Variants in FNDC3A observed in about 807,000 individuals in gnomAD.
FNDC3A encodes the protein fibronectin type-III domain-containing protein 3A.
A neutral mutation model predicts 148.9 loss-of-function variants in FNDC3A; 32 were observed. That is an observed-to-expected ratio of 0.21 (90% CI 0.16 to 0.29). FNDC3A has a LOEUF of 0.29. FNDC3A is among the 10% of genes least tolerant of loss of function. FNDC3A has a pLI of 1.00. For synonymous variants in FNDC3A, 472 were observed against 473.6 expected (o/e 1.00, Z 0.04); for missense variants, 1,191 against 1,452.8 (o/e 0.82, Z 2.93).
At position 49,075,874 on chromosome 13, in the gene FNDC3A, TTAACA is replaced by T. The variant is rs565887911; in HGVS notation, c.175+511_175+515del. The stretch of plus-strand genomic sequence containing the variant: ...TCAAGACTGAGCTCCAGTCCTACCT[TTAACA>T]GGTTTTTTGGAAAGTCTTTGTTTAG... On this transcript the variant is annotated intron_variant, in intron 3 of 25. Coordinates refer to ENST00000492622, the MANE Select transcript of FNDC3A (RefSeq NM_001079673.2). 3.7e-3 allele frequency among the ~76,000 whole-genome samples: 453 copies of T among 123,840 alleles called. 5 individuals carry two copies. The highest frequency in any genetic ancestry group is 8.1e-3 in the Admixed American group (75 of 9,216). The allele number at this position is 123,840 out of a possible 152,430, so 81.2% of individuals were successfully genotyped here.
chr13:49,199,880 C>T (rs1886345277), intron 23 of FNDC3A, among the ~76,000 whole-genome samples: 1 of 152,114 alleles, frequency 6.6e-6, no homozygotes, highest in Admixed American at 6.5e-5. Context: ...TCTTTCTGTG[C>T]CTCTTTCACA....
At chr13:49,045,192 C>T (rs919947721) in intron 2 of FNDC3A, among the ~76,000 whole-genome samples, 5 of 151,160 alleles carry the variant, frequency 3.3e-5, no homozygotes, top group African/African-American at 9.8e-5. Context: ...CTCACTCTGT[C>T]ACTCATGCTC....
chr13:49,050,770 C>T (rs993420060), intron 2 of FNDC3A, among the ~76,000 whole-genome samples: 2 of 151,928 alleles, frequency 1.3e-5, no homozygotes, highest in Admixed American at 6.6e-5. Flanking sequence ...ACTGTGTTGC[C>T]GTCTATCTCA....
chr13:49,064,094 G>A (rs552539238), intron 2 of FNDC3A, among the ~76,000 whole-genome samples: 3 of 152,278 alleles, frequency 2.0e-5, no homozygotes, highest in African/African-American at 4.8e-5. Flanking sequence ...TGTAATCCCA[G>A]CACTTTGGGA....
intron 3 of FNDC3A, among the ~76,000 whole-genome samples, chr13:49,104,764 G>A (rs766960253): frequency 2.0e-5 from 3 of 152,086 alleles, no homozygotes; most frequent in Non-Finnish European, 4.4e-5. Flanking sequence ...GGATTAAAAT[G>A]GAATCAGATC....
Position 49,136,550 on chromosome 13 carries a change from A to T in FNDC3A, c.709A>T (p.Ile237Phe). 1 of 1,614,126 alleles carries T rather than the reference A, an allele frequency of 6.2e-7. No homozygotes were observed. The highest frequency in any genetic ancestry group is 1.1e-5 in the South Asian group (1 of 91,086). Reference sequence around the variant, plus strand: ...TGGTATAAACACAGGATCAGCAAAAATCAAGTCTGGGAAGGGGAAAGGTGG... The same window carrying T: ...TGGTATAAACACAGGATCAGCAAAATTCAAGTCTGGGAAGGGGAAAGGTGG... Reference protein sequence around the residue: ...AGGINTGSAKIKSGKGKGGTQ... With the variant: ...AGGINTGSAKFKSGKGKGGTQ... The change falls in exon 6 of 26, where the codon ATC (isoleucine) becomes TTC (phenylalanine). Residue 237 changes from isoleucine (I) to phenylalanine (F), a missense_variant. Physicochemically the swap from Ile to Phe is conservative, Grantham distance 21 (BLOSUM62 0). This residue lies in a region of FNDC3A where 426 missense variants were observed against 473.2 expected (regional missense o/e 0.90). Coordinates refer to ENST00000492622, the MANE Select transcript of FNDC3A (RefSeq NM_001079673.2).
rs143076882 is a variant in FNDC3A at position 48,991,603 on chromosome 13, G to C, written c.-39-14549G>C. ...CTAGGAAGGCTGAGGTGGGAGGATT[G>C]CTTGAACCTGGGAGGTTGAGGCTGC... On this transcript the variant is annotated intron_variant, in intron 1 of 25. Coordinates refer to ENST00000492622, the MANE Select transcript of FNDC3A (RefSeq NM_001079673.2). Among the ~76,000 whole-genome samples, 18 of 152,114 alleles carry C rather than the reference G, an allele frequency of 1.2e-4. No individual in the cohort carries two copies. In the East Asian group the frequency reaches 2.1e-3, roughly 18 times the overall value.
intron 1 of FNDC3A, among the ~76,000 whole-genome samples, chr13:48,988,308 A>T (rs1377035203): frequency 6.6e-6 from 1 of 152,242 alleles, no homozygotes; most frequent in East Asian, 1.9e-4. Flanking sequence ...CTTAACAGAC[A>T]TCTACAGAAC....
rs769147565 is a variant in FNDC3A at position 49,198,111 on chromosome 13, C to T, written c.2620C>T (p.Pro874Ser). Residue 874 changes from proline (P) to serine (S), a missense_variant, in exon 22 of 26, where the codon CCT becomes TCT. Around this residue, in one of 3 missense-constraint regions of FNDC3A, gnomAD observed 751 missense variants for 944.0 expected, o/e 0.80. Coordinates refer to ENST00000492622, the MANE Select transcript of FNDC3A (RefSeq NM_001079673.2). ...DDEIENPHYSPSTCLAISWEK... is the reference protein window; with the variant it reads ...DDEIENPHYSSSTCLAISWEK... ...TGAGATAGAAAATCCCCATTATTCA[C>T]CTTCTACATGCCTTGCAATAAGCTG... 1 of 1,614,210 alleles carries T rather than the reference C, an allele frequency of 6.2e-7. No individual in the cohort carries two copies. Among genetic ancestry groups the T allele is most frequent in the Non-Finnish European group, 8.5e-7 (1 of 1,180,028 alleles).
At chr13:49,103,232 C>T (rs1394395570) in intron 3 of FNDC3A, among the ~76,000 whole-genome samples, 2 of 152,218 alleles carry the variant, frequency 1.3e-5, no homozygotes, top group Non-Finnish European at 2.9e-5. Context: ...CCATGTTCTT[C>T]ATCACTACCT....
chr13:48,989,405 G>A (rs1951868105), intron 1 of FNDC3A, among the ~76,000 whole-genome samples: 1 of 152,168 alleles, frequency 6.6e-6, no homozygotes, highest in South Asian at 2.1e-4. Flanking sequence ...TACTGATGAT[G>A]ATAGTCATTA....
At chr13:49,057,230 A>G (rs927235121) in intron 2 of FNDC3A, among the ~76,000 whole-genome samples, 17 of 152,306 alleles carry the variant, frequency 1.1e-4, no homozygotes, top group East Asian at 5.8e-4. Flanking sequence ...TGCCCAGGCT[A>G]TGATGTAGGA....
At chr13:49,139,660 ATC>A (rs1056845447) in intron 7 of FNDC3A, among the ~76,000 whole-genome samples, 8 of 152,100 alleles carry the variant, frequency 5.3e-5, no homozygotes, top group African/African-American at 1.9e-4. Context: ...CTTTATTCTA[ATC>A]TGTTTTCTCT....
At position 49,178,757 on chromosome 13, in the gene FNDC3A, C is replaced by T. The variant is rs561800290; in HGVS notation, c.1617+103C>T. 1.4e-4 allele frequency: 88 copies of T among 635,018 alleles called. 1 individual carries two copies. Among genetic ancestry groups the T allele is most frequent in the Middle Eastern group, 8.6e-4 (2 of 2,330 alleles). 39.3% of individuals were successfully genotyped at this position (635,018 alleles called of 1,614,324 possible). A position where few individuals can be genotyped will look rare whatever the true frequency, so the allele number is the denominator to read the frequency against. ...TTGTTTGTTTGTTTGTTTTTTGAGA[C>T]GGGCTCTTACTCTGTCACCCAAGCT... On this transcript the variant is annotated intron_variant, in intron 14 of 25. Transcript: ENST00000492622.
chr13:49,177,106 CTG>C (rs1195394903), intron 13 of FNDC3A, among the ~76,000 whole-genome samples: 1 of 152,152 alleles, frequency 6.6e-6, no homozygotes, highest in Non-Finnish European at 1.5e-5. Context: ...CCTGAAAACT[CTG>C]TCTTTTCTTT....
At chr13:49,167,213 CAG>C in intron 8 of FNDC3A, 29 bp from the exon 9 acceptor site, 3 of 1,408,206 alleles carry the variant, frequency 2.1e-6, no homozygotes, top group Non-Finnish European at 3.0e-6. Context: ...CTTTATTTAT[CAG>C]ACATGATATA....
chr13:49,075,448 T>C (rs570954904), intron 3 of FNDC3A, 84 bp downstream of exon 3: 11 of 719,494 alleles, frequency 1.5e-5, no homozygotes, highest in African/African-American at 1.5e-4. Flanking sequence ...ATGCCTATGG[T>C]TTCTTCCTTC....
chr13:49,201,121 CA>C, intron 23 of FNDC3A: 5 of 284,766 alleles, frequency 1.8e-5, no homozygotes, highest in South Asian at 1.3e-4. Flanking sequence ...CTCTAATTTC[CA>C]AAAATTTTAG....
chr13:49,016,681 T>C (rs1021359909), intron 2 of FNDC3A, among the ~76,000 whole-genome samples: 1 of 152,204 alleles, frequency 6.6e-6, no homozygotes, highest in Non-Finnish European at 1.5e-5. Context: ...CTAATTCTTT[T>C]AATTGTGATG....
Sources: allele counts gnomAD v4.1 joint callset (sites outside exome capture counted in the v4.1 genomes callset), GRCh38; gene constraint gnomAD v4.1.1; regional missense constraint gnomAD v4.1.1; transcripts MANE v1.5; gene names NCBI Gene and HGNC (gene_info 2026-07-23, HGNC 2026-07-21).